The following PARVB variants were observed in gnomAD, a reference collection of about 807,000 sequenced individuals.
PARVB encodes the protein parvin beta.
Under a neutral mutation model 47.0 loss-of-function variants are expected in PARVB, and 46 were observed. That is an observed-to-expected ratio of 0.98 (90% CI 0.77 to 1.25). The LOEUF is 1.25. Ranked by LOEUF, PARVB falls within the 50% of genes most tolerant of loss-of-function variation. The pLI is 0.00. For synonymous variants in PARVB, 196 were observed against 196.3 expected, an observed-to-expected ratio of 1.00 and a Z score of 0.01; for missense variants, 473 against 471.6, an observed-to-expected ratio of 1.00 and a Z score of -0.03.
intron 7 of PARVB, chr22:44,139,003 G>A (rs994947257): frequency 6.6e-6 from 1 of 152,210 alleles, no homozygotes; most frequent in South Asian, 2.1e-4. Context: ...GCATGGAAAG[G>A]ATCTGTGCAC....
chr22:44,018,194 G>A (rs895104712), intron 2 of PARVB, among the ~76,000 whole-genome samples: 1 of 152,262 alleles, frequency 6.6e-6, no homozygotes, highest in African/African-American at 2.4e-5. Context: ...CTGAGGTCAG[G>A]AGTTTGAGAC....
At chr22:44,017,750 C>A (rs185622725) in intron 2 of PARVB, among the ~76,000 whole-genome samples, 1 of 152,164 alleles carries the variant, frequency 6.6e-6, no homozygotes, top group Admixed American at 6.5e-5. Flanking sequence ...TCGGCTTTTG[C>A]CCATTCACAT....
intron 10 of PARVB, among the ~76,000 whole-genome samples, chr22:44,156,590 A>AT (rs2053940718): frequency 6.6e-6 from 1 of 152,152 alleles, no homozygotes; most frequent in South Asian, 2.1e-4. Context: ...TTTACTTTTA[A>AT]TTTTTTTAAA....
chr22:44,117,456 G>C (rs909424263), intron 3 of PARVB, among the ~76,000 whole-genome samples: 2 of 152,116 alleles, frequency 1.3e-5, no homozygotes, highest in Non-Finnish European at 2.9e-5. Flanking sequence ...CCAGGCCAGT[G>C]CTCTCCCTCC....
chr22:44,029,897 G>A (rs1364021319), intron 1 of PARVB, among the ~76,000 whole-genome samples: 2 of 146,102 alleles, frequency 1.4e-5, no homozygotes, highest in Non-Finnish European at 3.0e-5. Context: ...GAGACAAAGC[G>A]AGACTCTGCC....
chr22:44,091,987 T>A (rs2052179461), intron 1 of PARVB, among the ~76,000 whole-genome samples: 1 of 151,992 alleles, frequency 6.6e-6, no homozygotes, highest in Admixed American at 6.6e-5. Flanking sequence ...GTCCTGAGAG[T>A]CCCATCACGT....
At position 44,015,420 on chromosome 22, in the gene PARVB, G is replaced by A. The variant is rs552096499; in HGVS notation, c.211+15747G>A. On this transcript the variant is annotated intron_variant, in intron 2 of 13. Coordinates refer to the PARVB transcript ENST00000406477. ...AGAAAAGGGCTACCTGGGGCCAGGC[G>A]TACCCAACATGAAGACTCCATCTTT... is the stretch of plus-strand genomic sequence containing the variant. Among the ~76,000 whole-genome samples, 151 of 152,320 alleles carry A rather than the reference G, an allele frequency of 9.9e-4. 1 individual carries two copies. The highest frequency in any genetic ancestry group is 3.4e-3 in the African/African-American group (140 of 41,568).
At chr22:44,057,133 C>T (rs374685529) in intron 1 of PARVB, among the ~76,000 whole-genome samples, 12 of 151,784 alleles carry the variant, frequency 7.9e-5, no homozygotes, top group African/African-American at 2.9e-4. Flanking sequence ...CAAAAATGCT[C>T]AGTTTAGAAG....
chr22:44,134,273 G>T (rs2053393315), intron 6 of PARVB, among the ~76,000 whole-genome samples: 1 of 152,116 alleles, frequency 6.6e-6, no homozygotes. Flanking sequence ...GAGGATGTTT[G>T]TGGCTGGTGG....
In PARVB at chr22:44,172,895, CG is replaced by C; in HGVS notation, c.*4218del. 2 of 1,048,344 alleles carry C rather than the reference CG, an allele frequency of 1.9e-6. No homozygotes were observed. Among genetic ancestry groups the C allele is most frequent in the Non-Finnish European group, 2.6e-6 (2 of 783,832 alleles). 64.9% of individuals were successfully genotyped at this position (1,048,344 alleles called of 1,614,324 possible). ...ATGCGGTTAGGACAATGCCACGTGG[CG>C]TCACAGTATGCTGTTATTTATTCCA... On this transcript the variant is annotated 3_prime_UTR_variant, in exon 13 of 13. Coordinates refer to ENST00000338758, the MANE Select transcript of PARVB (RefSeq NM_013327.5).
intron 1 of PARVB, among the ~76,000 whole-genome samples, chr22:44,091,933 A>C (rs1172429352): frequency 6.6e-6 from 1 of 152,030 alleles, no homozygotes; most frequent in East Asian, 1.9e-4. Context: ...TGTCCTTATG[A>C]GGGAGGGAGG....
chr22:44,023,409 G>A (rs562217188), upstream of PARVB, among the ~76,000 whole-genome samples: 21 of 152,148 alleles, frequency 1.4e-4, no homozygotes, highest in African/African-American at 4.6e-4. Context: ...TACTCAGGAG[G>A]CTGAGACAGG....
intron 7 of PARVB, 132 bp from the exon 8 acceptor site, chr22:44,139,992 C>T: frequency 8.4e-6 from 1 of 119,714 alleles, no homozygotes. Flanking sequence ...GCGTTCTTAT[C>T]AGTAGGCCTT....
chr22:44,072,623 T>C (rs1439566752), intron 1 of PARVB, among the ~76,000 whole-genome samples: 1 of 152,172 alleles, frequency 6.6e-6, no homozygotes, highest in African/African-American at 2.4e-5. Flanking sequence ...GTATTTTTAA[T>C]GGAGACGGGG....
chr22:44,044,300 T>G (rs185794015), intron 1 of PARVB, among the ~76,000 whole-genome samples: 1 of 150,816 alleles, frequency 6.6e-6, no homozygotes, highest in African/African-American at 2.4e-5. Context: ...ACGCCATTCT[T>G]CTGCCTCAGC....
In PARVB at chr22:44,097,446, T is replaced by A. The variant is rs149467180; in HGVS notation, c.203-2607T>A. 8.5e-5 allele frequency among the ~76,000 whole-genome samples: 13 copies of A among 152,300 alleles called. No individual in the cohort carries two copies. The East Asian group carries it at 2.1e-3, about 25-fold the overall frequency. On this transcript the variant is annotated intron_variant, in intron 2 of 12. Transcript: ENST00000338758. ...TGTGCAGTGGCCTGCGGGGGTTTCATGTCCAGGGTCCCCGGTCAAGGCTAG... is the reference window on the plus strand; with the variant it reads ...TGTGCAGTGGCCTGCGGGGGTTTCAAGTCCAGGGTCCCCGGTCAAGGCTAG...
At chr22:44,017,889 G>A (rs1037996980) in intron 2 of PARVB, among the ~76,000 whole-genome samples, 1 of 152,038 alleles carries the variant, frequency 6.6e-6, no homozygotes, top group Admixed American at 6.5e-5. Flanking sequence ...TGTCAGGGGG[G>A]CCTTCCAAAG....
chr22:44,140,227 G>A, intron 8 of PARVB, 84 bp downstream of exon 8: 1 of 1,387,826 alleles, frequency 7.2e-7, no homozygotes, highest in East Asian at 2.3e-5. Flanking sequence ...ATGGTTATCT[G>A]GAGGGAGTGG....
At chr22:44,021,299 G>A (rs2146869966), upstream of PARVB, among the ~76,000 whole-genome samples, 1 of 152,304 alleles carries the variant, frequency 6.6e-6, no homozygotes, top group East Asian at 1.9e-4. Flanking sequence ...AGACAAGGCA[G>A]GTCAGAGAAT....
Sources: gnomAD v4.1 joint callset for allele counts (sites outside exome capture counted in the v4.1 genomes callset) on GRCh38, gnomAD v4.1.1 for gene constraint, MANE v1.5 for transcripts, NCBI Gene and HGNC (gene_info 2026-07-23, HGNC 2026-07-21) for gene names.